UNC5D: variants seen among roughly 807,000 people sequenced by gnomAD.
UNC5D encodes netrin receptor UNC5D.
UNC5D carries 39 observed loss-of-function variants against 105.4 expected under a neutral mutation model. The observed-to-expected ratio is 0.37, with a 90% CI of 0.29 to 0.48. The LOEUF is 0.48. Ranked by LOEUF, UNC5D falls within the 20% of genes least tolerant of loss-of-function variation. The pLI is 0.98. For synonymous variants in UNC5D, 452 were observed against 450.4 expected, an observed-to-expected ratio of 1.00 and a Z score of -0.04; for missense variants, 991 against 1,202.4, an observed-to-expected ratio of 0.82 and a Z score of 2.60.
chr8:35,510,421 G>T (rs1426150441), intron 1 of UNC5D, among the ~76,000 whole-genome samples: 1 of 151,412 alleles, frequency 6.6e-6, no homozygotes. Flanking sequence ...CACACACATC[G>T]TTGCCTATGT....
At chr8:35,605,162 C>T (rs1439781509) in intron 4 of UNC5D, among the ~76,000 whole-genome samples, 3 of 152,138 alleles carry the variant, frequency 2.0e-5, no homozygotes, top group Non-Finnish European at 2.9e-5. Flanking sequence ...GTTTTTTCCC[C>T]ATCTTTGTGG....
chr8:35,562,638 T>A (rs1387912132), intron 2 of UNC5D, among the ~76,000 whole-genome samples: 2 of 152,146 alleles, frequency 1.3e-5, no homozygotes, highest in East Asian at 3.9e-4. Context: ...CAGGTCTTGA[T>A]CTTTTGCCCA....
At chr8:35,717,323 T>G (rs1014430426) in intron 8 of UNC5D, among the ~76,000 whole-genome samples, 3 of 152,224 alleles carry the variant, frequency 2.0e-5, no homozygotes, top group Admixed American at 6.5e-5. Context: ...GAGTTAAATT[T>G]CCATTAGTAA....
Position 35,595,685 on chromosome 8 carries a change from C to G in UNC5D, c.570+28C>G, listed in dbSNP as rs751850776. 3 of 1,602,376 alleles carry G rather than the reference C, an allele frequency of 1.9e-6. No homozygotes were observed. The African/African-American group carries it at 4.0e-5, about 21-fold the overall frequency. Reference sequence around the variant, plus strand: ...AAGACAGGATCCTGGGACCAGTCACCGGGAGGAACCAGGCCTGTTCCCAAG... The same window carrying G: ...AAGACAGGATCCTGGGACCAGTCACGGGGAGGAACCAGGCCTGTTCCCAAG... On this transcript the variant is annotated intron_variant, in intron 4 of 16. Transcript: ENST00000404895.
At chr8:35,691,731 C>A (rs565885556) in intron 7 of UNC5D, among the ~76,000 whole-genome samples, 1 of 152,276 alleles carries the variant, frequency 6.6e-6, no homozygotes, top group South Asian at 2.1e-4. Flanking sequence ...GACCATTGGA[C>A]TTTCTCCTTG....
At chr8:35,751,468 C>G (rs2131644275) in intron 13 of UNC5D, among the ~76,000 whole-genome samples, 1 of 152,296 alleles carries the variant, frequency 6.6e-6, no homozygotes, top group South Asian at 2.1e-4. Flanking sequence ...TGGGAAAGGG[C>G]TGTTATTGTC....
chr8:35,745,041 CAA>C (rs1419087105), intron 11 of UNC5D, among the ~76,000 whole-genome samples: 1 of 149,396 alleles, frequency 6.7e-6, no homozygotes, highest in Non-Finnish European at 1.5e-5. Context: ...GCGACAAGAG[CAA>C]AACTCTGTCT....
At chr8:35,440,408 G>A (rs1218550252) in intron 1 of UNC5D, among the ~76,000 whole-genome samples, 3 of 151,878 alleles carry the variant, frequency 2.0e-5, no homozygotes, top group African/African-American at 7.2e-5. Flanking sequence ...GCTGTTTTAT[G>A]AGAAAAATTA....
At chr8:35,733,630 A>G (rs6989133) in intron 11 of UNC5D, among the ~76,000 whole-genome samples, 10,459 of 152,150 alleles carry the variant, frequency 0.069, 1,015 homozygotes, top group African/African-American at 0.21. Context: ...CTTCCAAACC[A>G]CATCTTTATG....
intron 1 of UNC5D, among the ~76,000 whole-genome samples, chr8:35,527,824 T>G (rs991245332): frequency 5.3e-5 from 8 of 152,140 alleles, no homozygotes; most frequent in African/African-American, 1.9e-4. Context: ...GAGCCACCAC[T>G]CTTGGCCTCT....
chr8:35,315,127 C>T (rs752750671), intron 1 of UNC5D, among the ~76,000 whole-genome samples: 2 of 152,148 alleles, frequency 1.3e-5, no homozygotes, highest in Non-Finnish European at 2.9e-5. Context: ...ATAATTATAA[C>T]AGCTTATATT....
intron 1 of UNC5D, among the ~76,000 whole-genome samples, chr8:35,396,093 T>C (rs1242858218): frequency 3.3e-5 from 5 of 152,174 alleles, no homozygotes; most frequent in African/African-American, 1.2e-4. Context: ...CCTCAAGGCA[T>C]AACCCTGAGG....
chr8:35,373,031 A>G (rs1802509820), intron 1 of UNC5D, among the ~76,000 whole-genome samples: 1 of 152,176 alleles, frequency 6.6e-6, no homozygotes, highest in Non-Finnish European at 1.5e-5. Context: ...GGCCATGTAA[A>G]TGGAATCTCA....
At chr8:35,342,922 A>G (rs1240405810) in intron 1 of UNC5D, among the ~76,000 whole-genome samples, 1 of 152,144 alleles carries the variant, frequency 6.6e-6, no homozygotes, top group Non-Finnish European at 1.5e-5. Flanking sequence ...AGCATTTTAA[A>G]CAAATACCTC....
At chr8:35,659,685 A>T (rs142220213) in intron 4 of UNC5D, among the ~76,000 whole-genome samples, 342 of 152,372 alleles carry the variant, frequency 2.2e-3, no homozygotes, top group African/African-American at 7.8e-3. Context: ...GGTGACAGTG[A>T]TATAAATGGG....
At chr8:35,514,621 T>G (rs1157425507) in intron 1 of UNC5D, among the ~76,000 whole-genome samples, 1 of 152,230 alleles carries the variant, frequency 6.6e-6, no homozygotes, top group East Asian at 1.9e-4. Context: ...AACATTGCTT[T>G]ATGTTGTTTG....
At chr8:35,312,198 C>A (rs1029990318) in intron 1 of UNC5D, among the ~76,000 whole-genome samples, 2 of 152,164 alleles carry the variant, frequency 1.3e-5, no homozygotes, top group Non-Finnish European at 2.9e-5. Flanking sequence ...TCTGAAAACA[C>A]ATCTTGTGGC....
Position 35,567,529 on chromosome 8 carries a change from T to A in UNC5D, c.323-569T>A, listed in dbSNP as rs1051168899. On this transcript the variant is annotated intron_variant, in intron 2 of 16. Transcript: ENST00000404895. ...CTTATTTCAACTTGTCTCCTCTTTG[T>A]GCTCATTCCTTCTTTTGGTCCCATT... 1.3e-5 allele frequency among the ~76,000 whole-genome samples: 2 copies of A among 152,186 alleles called. 1 individual carries two copies. The highest frequency in any genetic ancestry group is 4.1e-4 in the South Asian group (2 of 4,826).
At chr8:35,724,238 T>G in intron 9 of UNC5D, 2 of 1,530,784 alleles carry the variant, frequency 1.3e-6, no homozygotes, top group Non-Finnish European at 1.7e-6. Flanking sequence ...TTTTGTTTTA[T>G]TTTTATTTTT....
Sources: gnomAD v4.1 joint callset for allele counts (sites outside exome capture counted in the v4.1 genomes callset) on GRCh38, gnomAD v4.1.1 for gene constraint, MANE v1.5 for transcripts, NCBI Gene and HGNC (gene_info 2026-07-23, HGNC 2026-07-21) for gene names.